MAGI1: variants seen among roughly 807,000 people sequenced by gnomAD.
MAGI1 encodes membrane-associated guanylate kinase, WW and PDZ domain-containing protein 1.
MAGI1 carries 58 observed loss-of-function variants against 139.9 expected under a neutral mutation model. That is an observed-to-expected ratio of 0.41 (90% CI 0.34 to 0.52). MAGI1 has a LOEUF of 0.52. Ranked by LOEUF, MAGI1 falls within the 20% of genes least tolerant of loss-of-function variation. The pLI is 0.12. For synonymous variants in MAGI1, 812 were observed against 737.9 expected, an observed-to-expected ratio of 1.10 and a Z score of -1.63; for missense variants, 1,874 against 1,901.6, an observed-to-expected ratio of 0.99 and a Z score of 0.27.
chr3:65,696,917 A>C (rs1185829190), intron 1 of MAGI1, among the ~76,000 whole-genome samples: 1 of 152,174 alleles, frequency 6.6e-6, no homozygotes, highest in Non-Finnish European at 1.5e-5. Flanking sequence ...CCTTCAAAAA[A>C]AGGTAATGAA....
At chr3:65,589,796 C>T (rs938157708) in intron 2 of MAGI1, among the ~76,000 whole-genome samples, 11 of 151,214 alleles carry the variant, frequency 7.3e-5, no homozygotes, top group Non-Finnish European at 1.2e-4. Flanking sequence ...CAGGACCCTA[C>T]TTGAATGACC....
chr3:65,953,341 G>T (rs1288570115), intron 1 of MAGI1, among the ~76,000 whole-genome samples: 1 of 152,174 alleles, frequency 6.6e-6, no homozygotes, highest in African/African-American at 2.4e-5. Flanking sequence ...CAGTCTCAGG[G>T]CAGCTAATGC....
Position 65,596,069 on chromosome 3 carries a change from T to G in MAGI1, c.430+25903A>C, listed in dbSNP as rs545996879. On this transcript the variant is annotated intron_variant, in intron 2 of 22. Coordinates refer to ENST00000402939, the MANE Select transcript of MAGI1 (RefSeq NM_001033057.2). The stretch of plus-strand genomic sequence containing the variant: ...CTTGTCGACGAGTTTCAGTGCAAGT[T>G]AAATCACGAAAAGAATCCAACTTCA... Among the ~76,000 whole-genome samples the G allele has an allele frequency of 2.0e-5, 3 of 152,294 alleles. No individual in the cohort carries two copies. In the South Asian group the frequency reaches 6.2e-4, roughly 32 times the overall value.
At chr3:65,642,969 G>GA (rs1322933631) in intron 1 of MAGI1, among the ~76,000 whole-genome samples, 3 of 152,204 alleles carry the variant, frequency 2.0e-5, no homozygotes, top group African/African-American at 4.8e-5. Flanking sequence ...AGCTTTAGCA[G>GA]AACAAGCCCT....
chr3:65,413,409 T>C (rs1213557114), intron 12 of MAGI1, among the ~76,000 whole-genome samples: 1 of 152,182 alleles, frequency 6.6e-6, no homozygotes, highest in Admixed American at 6.5e-5. Flanking sequence ...CCTGCCGCAC[T>C]GCATTATTCA....
chr3:65,824,989 A>AAC (rs1448202865), intron 1 of MAGI1, among the ~76,000 whole-genome samples: 1 of 152,336 alleles, frequency 6.6e-6, no homozygotes, highest in East Asian at 1.9e-4. Context: ...CCAATGAGCA[A>AAC]ACACACACAC....
chr3:65,620,726 T>C (rs2083620840), intron 2 of MAGI1, among the ~76,000 whole-genome samples: 1 of 152,172 alleles, frequency 6.6e-6, no homozygotes, highest in Non-Finnish European at 1.5e-5. Flanking sequence ...CAACCTCCTC[T>C]CCGTCAAATG....
chr3:65,717,907 T>C (rs974958255), intron 1 of MAGI1, among the ~76,000 whole-genome samples: 1 of 152,168 alleles, frequency 6.6e-6, no homozygotes, highest in Non-Finnish European at 1.5e-5. Flanking sequence ...AAACCTACTG[T>C]AATAGCAGAG....
chr3:65,672,356 G>C (rs1048352402), intron 1 of MAGI1, among the ~76,000 whole-genome samples: 4 of 152,170 alleles, frequency 2.6e-5, no homozygotes, highest in African/African-American at 9.6e-5. Flanking sequence ...TGCTGTATTT[G>C]TATATGCTAA....
chr3:65,466,098 G>T (rs949504637), intron 5 of MAGI1, among the ~76,000 whole-genome samples: 1 of 152,010 alleles, frequency 6.6e-6, no homozygotes, highest in Non-Finnish European at 1.5e-5. Flanking sequence ...CTATGGCTTT[G>T]CTGAGACTTT....
At chr3:65,593,179 T>C (rs1411264801) in intron 2 of MAGI1, among the ~76,000 whole-genome samples, 5 of 152,160 alleles carry the variant, frequency 3.3e-5, no homozygotes, top group Admixed American at 1.3e-4. Context: ...TTTTTTGGCT[T>C]CCCTTTCAGG....
At chr3:65,454,631 T>C (rs1949271870) in intron 5 of MAGI1, among the ~76,000 whole-genome samples, 1 of 151,236 alleles carries the variant, frequency 6.6e-6, no homozygotes, top group African/African-American at 2.4e-5. Flanking sequence ...AAAACTTTTT[T>C]TGAACTGTGA....
At chr3:65,779,200 T>C (rs1164225309) in intron 1 of MAGI1, among the ~76,000 whole-genome samples, 2 of 152,226 alleles carry the variant, frequency 1.3e-5, no homozygotes, top group African/African-American at 4.8e-5. Flanking sequence ...CTATTAAGTT[T>C]ACGCTTCAGT....
intron 1 of MAGI1, among the ~76,000 whole-genome samples, chr3:65,797,525 C>T (rs998216878): frequency 6.6e-6 from 1 of 152,082 alleles, no homozygotes; most frequent in Non-Finnish European, 1.5e-5. Flanking sequence ...GAGTTCGAGA[C>T]CAGCCTGGGC....
intron 1 of MAGI1, among the ~76,000 whole-genome samples, chr3:65,835,628 G>A (rs528969663): frequency 2.0e-5 from 3 of 152,150 alleles, no homozygotes; most frequent in Non-Finnish European, 2.9e-5. Context: ...AGAAATCAAC[G>A]ACTCTGTCTG....
intron 18 of MAGI1, among the ~76,000 whole-genome samples, chr3:65,370,012 G>A (rs897564376): frequency 6.6e-6 from 1 of 152,212 alleles, no homozygotes; most frequent in African/African-American, 2.4e-5. Context: ...CAGAAAGGAA[G>A]TGGATCCAGT....
chr3:65,710,269 CTTTTTTTTT>C (rs1175790063), intron 1 of MAGI1, among the ~76,000 whole-genome samples: 12 of 66,878 alleles, frequency 1.8e-4, no homozygotes, highest in African/African-American at 7.7e-4. Context: ...CCTTACATTT[CTTTTTTTTT>C]TTTTTTTTTT....
At chr3:65,565,890 C>A (rs1448428157) in intron 2 of MAGI1, among the ~76,000 whole-genome samples, 1 of 146,812 alleles carries the variant, frequency 6.8e-6, no homozygotes, top group Non-Finnish European at 1.5e-5. Context: ...ATTGCTATCA[C>A]ACAACGGACA....
chr3:66,029,272 A>C (rs993168755), intron 1 of MAGI1, among the ~76,000 whole-genome samples: 1 of 152,158 alleles, frequency 6.6e-6, no homozygotes, highest in African/African-American at 2.4e-5. Context: ...GTAATTTTGA[A>C]ACATGGCTTA....
Sources: allele counts gnomAD v4.1 joint callset (sites outside exome capture counted in the v4.1 genomes callset), GRCh38; gene constraint gnomAD v4.1.1; transcripts MANE v1.5; gene names NCBI Gene and HGNC (gene_info 2026-07-23, HGNC 2026-07-21).